FAM184B: variants seen among roughly 807,000 people sequenced by gnomAD.
FAM184B encodes protein FAM184B.
A neutral mutation model predicts 135.9 loss-of-function variants in FAM184B; 111 were observed. The observed-to-expected ratio is 0.82, with a 90% confidence interval of 0.70 to 0.96. The LOEUF (loss-of-function observed/expected upper bound fraction) is 0.96. Among genes scored for constraint, FAM184B ranks in the 40% least tolerant of loss-of-function variants. The pLI, the probability that FAM184B is intolerant of heterozygous loss-of-function variation, is 0.00. For synonymous variants in FAM184B, 552 were observed against 524.8 expected (o/e 1.05, Z -0.71); for missense variants, 1,375 against 1,323.9 (o/e 1.04, Z -0.60).
chr4:17,678,392 A>G (rs989599774), intron 7 of FAM184B, among the ~76,000 whole-genome samples: 1 of 152,190 alleles, frequency 6.6e-6, no homozygotes, highest in African/African-American at 2.4e-5. Context: ...CAAGCTGGGA[A>G]TCAAATCAAG....
chr4:17,635,220 G>A lies in FAM184B; in HGVS notation c.2785-107C>T, dbSNP rs182747127. On this transcript the variant is annotated intron_variant, in intron 15 of 17. Coordinates refer to ENST00000265018, the MANE Select transcript of FAM184B (RefSeq NM_015688.2). The stretch of plus-strand genomic sequence containing the variant: ...CAGAATAGAGAAGGAAAGTCCAGGG[G>A]AGGAAGGGGAAGTCAGTGGGAATAA... The A allele has an allele frequency of 7.3e-5, 61 of 838,264 alleles. No homozygotes were observed. The African/African-American group carries it at 9.3e-4, about 13-fold the overall frequency. The allele number at this position is 838,264 out of a possible 1,614,324, so 51.9% of individuals were successfully genotyped here.
At position 17,678,918 on chromosome 4, in the gene FAM184B, T is replaced by A. The variant is rs192884215; in HGVS notation, c.1596+9506A>T. Among the ~76,000 whole-genome samples, 365 of 151,514 alleles carry A rather than the reference T, an allele frequency of 2.4e-3. 8 individuals are homozygous for A. The highest frequency in any genetic ancestry group is 8.6e-3 in the African/African-American group (355 of 41,278). ...TTGACAAAGCAAAAAACAAAAAACA[T>A]AAAGTGGGGAAAGGACACCCTATTC... On this transcript the variant is annotated intron_variant, in intron 7 of 17. Transcript: ENST00000265018.
At chr4:17,647,126 C>CG (rs1560166784) in intron 12 of FAM184B, among the ~76,000 whole-genome samples, 1 of 148,598 alleles carries the variant, frequency 6.7e-6, no homozygotes, top group Non-Finnish European at 1.5e-5. Context: ...CACTTAAAAC[C>CG]TTTTTTTTTT....
intron 3 of FAM184B, among the ~76,000 whole-genome samples, chr4:17,706,512 C>G (rs908262078): frequency 6.6e-6 from 1 of 152,148 alleles, no homozygotes; most frequent in African/African-American, 2.4e-5. Context: ...TGTTATATCT[C>G]CCAGTGTCAA....
intron 1 of FAM184B, among the ~76,000 whole-genome samples, chr4:17,737,693 T>A (rs1309363442): frequency 1.3e-5 from 2 of 152,108 alleles, no homozygotes; most frequent in South Asian, 4.1e-4. Context: ...AAGTCCCTCA[T>A]GAGAAGGACA....
At chr4:17,766,629 GGT>G (rs1718698514) in intron 1 of FAM184B, among the ~76,000 whole-genome samples, 1 of 152,024 alleles carries the variant, frequency 6.6e-6, no homozygotes, top group Non-Finnish European at 1.5e-5. Flanking sequence ...AGTGCTGATT[GGT>G]GTGTTTACAA....
At chr4:17,735,770 A>G (rs950242892) in intron 1 of FAM184B, among the ~76,000 whole-genome samples, 4 of 152,094 alleles carry the variant, frequency 2.6e-5, no homozygotes, top group African/African-American at 7.3e-5. Flanking sequence ...GCCATGCTCA[A>G]TCACTCTGCA....
At chr4:17,686,351 C>T (rs1716586690) in intron 7 of FAM184B, among the ~76,000 whole-genome samples, 1 of 152,250 alleles carries the variant, frequency 6.6e-6, no homozygotes, top group Admixed American at 6.5e-5. Context: ...GGCTTGTCCT[C>T]CAGGCTTACA....
At chr4:17,715,214 C>T (rs1717380425) in intron 1 of FAM184B, among the ~76,000 whole-genome samples, 3 of 152,124 alleles carry the variant, frequency 2.0e-5, no homozygotes. Context: ...GTGGCTAACA[C>T]CTGTAATCCC....
intron 12 of FAM184B, among the ~76,000 whole-genome samples, chr4:17,647,144 G>A (rs115745642): frequency 0.017 from 2,458 of 147,768 alleles, 82 homozygotes; most frequent in African/African-American, 0.058. Context: ...TTTTCTTTTC[G>A]AAGACAAGAC....
intron 5 of FAM184B, among the ~76,000 whole-genome samples, chr4:17,702,221 G>A (rs1717004998): frequency 6.6e-6 from 1 of 152,182 alleles, no homozygotes; most frequent in Admixed American, 6.5e-5. Context: ...GCCCAGTTTG[G>A]TTTGTGATTC....
intron 10 of FAM184B, among the ~76,000 whole-genome samples, chr4:17,654,910 G>A (rs757198195): frequency 7.2e-5 from 11 of 152,188 alleles, no homozygotes; most frequent in Admixed American, 2.0e-4. Flanking sequence ...GGAGTGCAGC[G>A]GCGCAATCAT....
chr4:17,641,642 CCTTTTTTTTTTTTTT>C (rs1715318315), intron 13 of FAM184B, among the ~76,000 whole-genome samples: 1 of 34,450 alleles, frequency 2.9e-5, no homozygotes, highest in Non-Finnish European at 6.3e-5. Flanking sequence ...CCACGCCCGG[CCTTTTTTTTTTTTTT>C]TTTTTTTTTT....
intron 1 of FAM184B, among the ~76,000 whole-genome samples, chr4:17,723,828 G>A (rs1353468254): frequency 6.6e-6 from 1 of 152,140 alleles, no homozygotes; most frequent in Non-Finnish European, 1.5e-5. Context: ...CTTCATGCAA[G>A]GTCGAATTCA....
intron 1 of FAM184B, among the ~76,000 whole-genome samples, chr4:17,713,679 T>C (rs1158195869): frequency 2.0e-5 from 3 of 152,172 alleles, no homozygotes; most frequent in Non-Finnish European, 4.4e-5. Flanking sequence ...TGAAGTCTCA[T>C]ATAAGAAGGT....
chr4:17,770,437 G>GTTT (rs1276155981), intron 1 of FAM184B, among the ~76,000 whole-genome samples: 13 of 7,368 alleles, frequency 1.8e-3, no homozygotes, highest in Non-Finnish European at 5.3e-3. Context: ...CTCAGAACTA[G>GTTT]TTGTTGTTGT....
At chr4:17,747,917 T>C (rs1242625088) in intron 1 of FAM184B, among the ~76,000 whole-genome samples, 6 of 40,586 alleles carry the variant, frequency 1.5e-4, no homozygotes, top group South Asian at 3.0e-3. Flanking sequence ...CGAGACTCTG[T>C]CTCAAAAAAA....
chr4:17,666,305 C>CTTT lies in FAM184B; in HGVS notation c.1597-1649_1597-1647dup, dbSNP rs71167320. Among the ~76,000 whole-genome samples the CTTT allele has an allele frequency of 2.8e-3, 364 of 131,244 alleles. 4 individuals carry two copies. Among genetic ancestry groups the CTTT allele is most frequent in the Middle Eastern group, 4.1e-3 (1 of 246 alleles). 86.1% of individuals were successfully genotyped at this position (131,244 alleles called of 152,430 possible). A position where few individuals can be genotyped will look rare whatever the true frequency, so the allele number is the denominator to read the frequency against. ...ACACTCAAGTTTATTCCCTGGAATT[C>CTTT]TTTTTTTTTTTTTTTTGAGATGGAG... On this transcript the variant is annotated intron_variant, in intron 7 of 17. Coordinates refer to ENST00000265018, the MANE Select transcript of FAM184B (RefSeq NM_015688.2).
chr4:17,753,326 T>C (rs1718343143), intron 1 of FAM184B, among the ~76,000 whole-genome samples: 1 of 152,244 alleles, frequency 6.6e-6, no homozygotes, highest in South Asian at 2.1e-4. Flanking sequence ...ATGTTTTAGG[T>C]ATAAAGGAAT....
Sources: allele counts gnomAD v4.1 joint callset (sites outside exome capture counted in the v4.1 genomes callset), GRCh38; gene constraint gnomAD v4.1.1; transcripts MANE v1.5; gene names NCBI Gene and HGNC (gene_info 2026-07-23, HGNC 2026-07-21).